Variants in PTPRT observed in about 807,000 individuals in gnomAD.
The protein encoded by PTPRT is protein tyrosine phosphatase receptor type T.
PTPRT carries 56 observed loss-of-function variants against 176.8 expected under a neutral mutation model. That is an observed-to-expected ratio of 0.32 (90% CI 0.26 to 0.40). The LOEUF (loss-of-function observed/expected upper bound fraction) is 0.40. PTPRT is among the 10% of genes least tolerant of loss of function. The pLI is 1.00. For synonymous variants in PTPRT, 783 were observed against 739.0 expected (o/e 1.06, Z -0.96); for missense variants, 1,540 against 1,908.2 (o/e 0.81, Z 3.60).
chr20:42,947,513 A>G (rs1980957535), intron 1 of PTPRT, among the ~76,000 whole-genome samples: 1 of 152,214 alleles, frequency 6.6e-6, no homozygotes, highest in South Asian at 2.1e-4. Context: ...CAAATAGACA[A>G]GGAGAGAGGT....
intron 6 of PTPRT, among the ~76,000 whole-genome samples, chr20:42,679,049 A>G (rs1307445688): frequency 6.6e-6 from 1 of 152,186 alleles, no homozygotes; most frequent in East Asian, 1.9e-4. Context: ...GAGGGGTTAA[A>G]GGAAAAGTTG....
intron 8 of PTPRT, among the ~76,000 whole-genome samples, chr20:42,448,893 C>T (rs1372293052): frequency 6.6e-6 from 1 of 151,780 alleles, no homozygotes; most frequent in Non-Finnish European, 1.5e-5. Context: ...AATCTCATAA[C>T]GTTGTAAGAA....
intron 1 of PTPRT, among the ~76,000 whole-genome samples, chr20:42,978,858 T>C (rs1332392361): frequency 6.6e-6 from 1 of 152,236 alleles, no homozygotes; most frequent in Non-Finnish European, 1.5e-5. Flanking sequence ...ATCTATCCCT[T>C]GTTCAGCATA....
At chr20:42,688,304 T>G (rs2425524) in intron 6 of PTPRT, 74,304 of 152,004 alleles carry the variant, frequency 0.49, 20,733 homozygotes, top group African/African-American at 0.78. Flanking sequence ...GGAACTAATA[T>G]AACCTAGGCC....
At chr20:42,321,131 G>C (rs749293004) in intron 11 of PTPRT, among the ~76,000 whole-genome samples, 4 of 152,210 alleles carry the variant, frequency 2.6e-5, no homozygotes, top group African/African-American at 7.2e-5. Context: ...TCATCTGAGA[G>C]ATACGGTAAT....
intron 23 of PTPRT, among the ~76,000 whole-genome samples, chr20:42,109,337 G>C (rs35303557): frequency 0.016 from 2,454 of 152,194 alleles, 81 homozygotes; most frequent in East Asian, 0.14. Flanking sequence ...GGAAGGAGGG[G>C]GATGCCAGCT....
chr20:42,264,454 G>A (rs759552244), intron 13 of PTPRT, among the ~76,000 whole-genome samples: 2 of 152,194 alleles, frequency 1.3e-5, no homozygotes, highest in African/African-American at 2.4e-5. Context: ...CCCCCATTCT[G>A]TAGTGTCAGC....
chr20:42,767,741 G>A, intron 5 of PTPRT, among the ~76,000 whole-genome samples: 1 of 141,766 alleles, frequency 7.1e-6, no homozygotes, highest in South Asian at 2.2e-4. Flanking sequence ...TTTCTTTAAT[G>A]AGTGCTATAT....
chr20:42,647,839 C>A (rs2074941424), intron 7 of PTPRT, among the ~76,000 whole-genome samples: 1 of 152,196 alleles, frequency 6.6e-6, no homozygotes, highest in Non-Finnish European at 1.5e-5. Context: ...TCTGGTTATC[C>A]TGACTTCTTC....
intron 1 of PTPRT, among the ~76,000 whole-genome samples, chr20:42,987,318 T>A (rs1438988774): frequency 6.6e-6 from 1 of 152,172 alleles, no homozygotes; most frequent in Non-Finnish European, 1.5e-5. Context: ...AAATAAAATG[T>A]CAAATTCAGT....
Position 42,124,160 on chromosome 20 carries a change from C to T in PTPRT, c.2848-4189G>A, listed in dbSNP as rs115014652. Among the ~76,000 whole-genome samples, 1,405 of 152,292 alleles carry T rather than the reference C, an allele frequency of 9.2e-3. 23 individuals carry two copies. The highest frequency in any genetic ancestry group is 0.031 in the African/African-American group (1,297 of 41,554). On this transcript the variant is annotated intron_variant, in intron 19 of 30. Coordinates refer to ENST00000373187, the MANE Select transcript of PTPRT (RefSeq NM_007050.6). Reference sequence around the variant, plus strand: ...CCTCAGCAAAGGAGATAAAAGGAAACGTACTGCTCAATTGGGGCTCCTCTG... The same window carrying T: ...CCTCAGCAAAGGAGATAAAAGGAAATGTACTGCTCAATTGGGGCTCCTCTG...
intron 16 of PTPRT, 39 bp downstream of exon 16, chr20:42,199,201 A>G (rs771482078): frequency 6.2e-7 from 1 of 1,607,506 alleles, no homozygotes; most frequent in South Asian, 1.1e-5. Context: ...GCTGAGCTGG[A>G]CCACGGATGT....
At chr20:43,062,421 A>G (rs562348407) in intron 1 of PTPRT, among the ~76,000 whole-genome samples, 114 of 152,256 alleles carry the variant, frequency 7.5e-4, no homozygotes, top group African/African-American at 2.4e-3. Flanking sequence ...CTGGGGGAAA[A>G]CCAGGCTTTC....
intron 12 of PTPRT, among the ~76,000 whole-genome samples, chr20:42,300,297 T>C (rs1600802782): frequency 7.0e-6 from 1 of 143,656 alleles, no homozygotes; most frequent in South Asian, 2.2e-4. Flanking sequence ...GAAAGATAGA[T>C]GGATAGACAG....
intron 7 of PTPRT, among the ~76,000 whole-genome samples, chr20:42,563,706 G>C (rs369067096): frequency 2.0e-5 from 3 of 152,168 alleles, no homozygotes; most frequent in African/African-American, 4.8e-5. Context: ...ATGGAGAGCT[G>C]TTCATATCCT....
At chr20:42,741,323 C>T (rs6030453) in intron 6 of PTPRT, among the ~76,000 whole-genome samples, 110,148 of 152,082 alleles carry the variant, frequency 0.72, 40,093 homozygotes, top group East Asian at 0.86. Context: ...GCAATCACTA[C>T]GGGTATATCC....
chr20:43,145,810 ACTTC>A (rs1326483860), intron 1 of PTPRT, among the ~76,000 whole-genome samples: 1 of 152,252 alleles, frequency 6.6e-6, no homozygotes, highest in Non-Finnish European at 1.5e-5. Flanking sequence ...TGAATAAATT[ACTTC>A]TGCCATTCTG....
intron 6 of PTPRT, among the ~76,000 whole-genome samples, chr20:42,725,188 C>T (rs1023999199): frequency 2.7e-4 from 41 of 151,486 alleles, no homozygotes; most frequent in African/African-American, 9.5e-4. Flanking sequence ...CCACCACGCC[C>T]GGCTAATTTT....
At chr20:42,233,915 G>T (rs2056186659) in intron 15 of PTPRT, among the ~76,000 whole-genome samples, 1 of 152,176 alleles carries the variant, frequency 6.6e-6, no homozygotes, top group Non-Finnish European at 1.5e-5. Context: ...TCAACTGCAA[G>T]TATGTGCAGA....
Sources: allele counts gnomAD v4.1 joint callset (sites outside exome capture counted in the v4.1 genomes callset), GRCh38; gene constraint gnomAD v4.1.1; transcripts MANE v1.5; gene names NCBI Gene and HGNC (gene_info 2026-07-23, HGNC 2026-07-21).